DCAF1: variants seen among roughly 807,000 people sequenced by gnomAD.
DCAF1 encodes DDB1 and CUL4 associated factor 1.
A neutral mutation model predicts 128.0 loss-of-function variants in DCAF1; 15 were observed. That is an observed-to-expected ratio of 0.12 (90% CI 0.08 to 0.18). The LOEUF (loss-of-function observed/expected upper bound fraction) is 0.18, where lower values mean the gene tolerates loss of function less well. Among genes scored for constraint, DCAF1 ranks in the 10% least tolerant of loss-of-function variants. The pLI, the probability that DCAF1 is intolerant of heterozygous loss-of-function variation, is 1.00. For synonymous variants in DCAF1, 610 were observed against 603.0 expected (o/e 1.01, Z -0.17); for missense variants, 988 against 1,649.5 (o/e 0.60, Z 6.95).
At chr3:51,408,461 G>C (rs1463029977) in intron 23 of DCAF1, among the ~76,000 whole-genome samples, 2 of 152,180 alleles carry the variant, frequency 1.3e-5, no homozygotes, top group African/African-American at 2.4e-5. Flanking sequence ...ACAAAACTTT[G>C]AATAGCAAAT....
intron 13 of DCAF1, among the ~76,000 whole-genome samples, chr3:51,425,650 C>A (rs1699845089): frequency 7.2e-6 from 1 of 138,740 alleles, no homozygotes; most frequent in African/African-American, 2.7e-5. Flanking sequence ...GCATTCTCTA[C>A]CTCCTGGGCT....
At chr3:51,494,549 TACC>T (rs1360675320) in intron 2 of DCAF1, among the ~76,000 whole-genome samples, 46 of 152,170 alleles carry the variant, frequency 3.0e-4, no homozygotes, top group African/African-American at 1.0e-3. Flanking sequence ...TACGTAAATT[TACC>T]ACAATTTTTT....
At chr3:51,446,729 G>A (rs987716354) in intron 6 of DCAF1, among the ~76,000 whole-genome samples, 4 of 152,014 alleles carry the variant, frequency 2.6e-5, no homozygotes, top group African/African-American at 9.7e-5. Flanking sequence ...GGAGGCCAAG[G>A]AGGGTGGATC....
At chr3:51,412,339 A>AAGCACTGT in intron 23 of DCAF1, 40 bp downstream of exon 23, 1 of 1,612,714 alleles carries the variant, frequency 6.2e-7, no homozygotes, top group South Asian at 1.1e-5. Context: ...AACCTCTATT[A>AAGCACTGT]AGCACTGTTC....
chr3:51,448,461 ATCC>A (rs1702073471), intron 6 of DCAF1, among the ~76,000 whole-genome samples: 1 of 152,158 alleles, frequency 6.6e-6, no homozygotes, highest in African/African-American at 2.4e-5. Flanking sequence ...GCCTCAAGGG[ATCC>A]TCCTGCCTCA....
chr3:51,485,142 T>G (rs1415045741), intron 2 of DCAF1, among the ~76,000 whole-genome samples: 4 of 152,120 alleles, frequency 2.6e-5, no homozygotes, highest in Non-Finnish European at 4.4e-5. Context: ...CTCGAACTCC[T>G]GACCTCAGGT....
chr3:51,493,996 C>T (rs201947973), intron 2 of DCAF1, among the ~76,000 whole-genome samples: 5 of 74,198 alleles, frequency 6.7e-5, no homozygotes, highest in African/African-American at 2.6e-4. Context: ...GATTCCGTCT[C>T]AAAAAAAAAA....
chr3:51,406,125 C>T (rs1247001519), intron 23 of DCAF1, among the ~76,000 whole-genome samples: 3 of 151,872 alleles, frequency 2.0e-5, no homozygotes, highest in South Asian at 2.1e-4. Flanking sequence ...GGGCAGATCA[C>T]GAGGTAAGGA....
intron 13 of DCAF1, 56 bp from the exon 14 acceptor site, chr3:51,422,487 G>A (rs1553632844): frequency 4.2e-6 from 3 of 713,224 alleles, no homozygotes; most frequent in Admixed American, 4.0e-5. Context: ...AGAATCAAGA[G>A]AGACAGAGAG....
intron 3 of DCAF1, among the ~76,000 whole-genome samples, chr3:51,473,262 C>CAA (rs782434269): frequency 1.2e-3 from 145 of 121,056 alleles, no homozygotes; most frequent in African/African-American, 4.2e-3. Context: ...AACTCTATCT[C>CAA]AAAAAAAAAA....
upstream of DCAF1, among the ~76,000 whole-genome samples, chr3:51,500,300 T>C (rs1421656313): frequency 6.6e-6 from 1 of 152,002 alleles, no homozygotes; most frequent in Non-Finnish European, 1.5e-5. Context: ...TGAGTACTCA[T>C]TGGCTGCTTC....
At chr3:51,423,147 G>A (rs1268106079) in intron 13 of DCAF1, among the ~76,000 whole-genome samples, 2 of 152,076 alleles carry the variant, frequency 1.3e-5, no homozygotes, top group Non-Finnish European at 2.9e-5. Context: ...TTCTTAAAAT[G>A]TTCATAAACC....
In DCAF1 at chr3:51,441,806, G is replaced by A; in HGVS notation, c.605C>T (p.Ser202Phe). 6.8e-6 allele frequency: 11 copies of A among 1,613,898 alleles called. No individual in the cohort carries two copies. Among genetic ancestry groups the A allele is most frequent in the Non-Finnish European group, 9.3e-6 (11 of 1,179,868 alleles). ...ATCCAGAGGCAAAAGGGGTTCAGAA[G>A]AGAGCTTCCGTGGACTGGGACGCTT... ...ENKRPSPRKL[S>F]SEPLLPLDEE... is the part of the protein sequence containing the mutation. Residue 202 changes from serine (S) to phenylalanine (F), a missense_variant, in exon 8 of 25, where the codon TCT becomes TTT. Physicochemically the swap from Ser to Phe is radical, Grantham distance 155. Coordinates refer to ENST00000684031, the MANE Select transcript of DCAF1 (RefSeq NM_001387579.1).
chr3:51,429,222 G>A (rs1700166166), intron 12 of DCAF1, 39 bp downstream of exon 12: 1 of 728,462 alleles, frequency 1.4e-6, no homozygotes, highest in Non-Finnish European at 2.6e-6. Flanking sequence ...TACAGAGAGG[G>A]CTAACAGAAC....
chr3:51,466,485 C>A (rs1704140546), intron 5 of DCAF1, among the ~76,000 whole-genome samples: 1 of 152,178 alleles, frequency 6.6e-6, no homozygotes. Context: ...ATGCCCAATG[C>A]ATACCCCACA....
chr3:51,408,970 CT>C (rs1336031651), intron 23 of DCAF1, among the ~76,000 whole-genome samples: 3 of 152,174 alleles, frequency 2.0e-5, no homozygotes, highest in African/African-American at 4.8e-5. Context: ...AGCTAGAAAG[CT>C]TTCCGGCTCT....
chr3:51,427,144 A>C (rs1290639580), intron 13 of DCAF1, among the ~76,000 whole-genome samples: 1 of 152,226 alleles, frequency 6.6e-6, no homozygotes, highest in Non-Finnish European at 1.5e-5. Flanking sequence ...TACAGAGGCT[A>C]ATCCTTGCCT....
In DCAF1 at chr3:51,482,998, G is replaced by T. The variant is rs782225475; in HGVS notation, c.110+721C>A. Among the ~76,000 whole-genome samples, 5 of 150,340 alleles carry T rather than the reference G, an allele frequency of 3.3e-5. No individual in the cohort carries two copies. In the South Asian group the frequency reaches 6.3e-4, roughly 19 times the overall value. On this transcript the variant is annotated intron_variant, in intron 3 of 24. Transcript: ENST00000684031. The stretch of plus-strand genomic sequence containing the variant: ...CTAAAAAGATACAAAAATTAGCTGG[G>T]CGTGGTGACAAACGCCTGTAATCCC...
chr3:51,401,954 A>ACC (rs1553625060), intron 24 of DCAF1, among the ~76,000 whole-genome samples: 2 of 152,004 alleles, frequency 1.3e-5, no homozygotes, highest in African/African-American at 4.8e-5. Context: ...TATAGAAGAC[A>ACC]CTCCCCTACC....
Sources: allele counts gnomAD v4.1 joint callset (sites outside exome capture counted in the v4.1 genomes callset), GRCh38; gene constraint gnomAD v4.1.1; transcripts MANE v1.5; gene names NCBI Gene and HGNC (gene_info 2026-07-23, HGNC 2026-07-21).